The following CLSTN2 variants were observed in gnomAD, a reference collection of about 807,000 sequenced individuals.
CLSTN2 encodes calsyntenin 2.
A neutral mutation model predicts 101.2 loss-of-function variants in CLSTN2; 48 were observed. That is an observed-to-expected ratio of 0.47 (90% CI 0.38 to 0.60). CLSTN2 has a LOEUF of 0.60. Ranked by LOEUF, CLSTN2 falls within the 20% of genes least tolerant of loss-of-function variation. The pLI is 0.00. For synonymous variants in CLSTN2, 481 were observed against 463.6 expected (o/e 1.04, Z -0.48); for missense variants, 1,160 against 1,238.2 (o/e 0.94, Z 0.95).
intron 2 of CLSTN2, among the ~76,000 whole-genome samples, chr3:140,360,303 G>A (rs1297659675): frequency 3.3e-5 from 5 of 152,148 alleles, no homozygotes; most frequent in Non-Finnish European, 7.3e-5. Flanking sequence ...ACCCTGGCAG[G>A]CAGGCTTAGG....
intron 5 of CLSTN2, among the ~76,000 whole-genome samples, chr3:140,440,874 G>A (rs748850845): frequency 6.6e-6 from 1 of 152,178 alleles, no homozygotes; most frequent in African/African-American, 2.4e-5. Flanking sequence ...TGCATAATTT[G>A]TGGGTCCCAG....
intron 8 of CLSTN2, among the ~76,000 whole-genome samples, chr3:140,471,471 C>A (rs1428009381): frequency 6.6e-6 from 1 of 152,180 alleles, no homozygotes; most frequent in African/African-American, 2.4e-5. Flanking sequence ...AAAATTGCAA[C>A]AAGCACAGGA....
chr3:140,388,316 G>T (rs1380162351), intron 2 of CLSTN2, among the ~76,000 whole-genome samples: 3 of 152,200 alleles, frequency 2.0e-5, no homozygotes, highest in Non-Finnish European at 2.9e-5. Flanking sequence ...TTTGAATATG[G>T]CTATTGATGG....
Position 140,562,307 on chromosome 3 carries a change from C to T in CLSTN2, c.2211C>T (p.Tyr737=), listed in dbSNP as rs148317543. Residue 737 remains tyrosine (Y), a splice_region_variant and synonymous_variant, in exon 13 of 17, where the codon TAC becomes TAT. Coordinates refer to ENST00000458420, the MANE Select transcript of CLSTN2 (RefSeq NM_022131.3). ...ATNSTAGYSI[Y]GVGSMSRYEQ... is the part of the protein sequence containing the mutation. ...ATTCTACTGCAGGCTACTCCATCTA[C>T]GGTAAGGCCACACTCAGCCCCCTTT... 7.7e-5 allele frequency: 124 copies of T among 1,611,634 alleles called. No homozygotes were observed. Among genetic ancestry groups the T allele is most frequent in the African/African-American group, 1.1e-4 (8 of 74,982 alleles).
chr3:140,147,122 G>T (rs1474808233), intron 1 of CLSTN2, among the ~76,000 whole-genome samples: 1 of 152,222 alleles, frequency 6.6e-6, no homozygotes, highest in Non-Finnish European at 1.5e-5. Context: ...CAGTCCAATA[G>T]ATAGTAACAA....
chr3:140,333,986 A>G (rs1218854408), intron 2 of CLSTN2, among the ~76,000 whole-genome samples: 1 of 152,190 alleles, frequency 6.6e-6, no homozygotes, highest in Non-Finnish European at 1.5e-5. Flanking sequence ...ACTTTGATCA[A>G]GGAGAGGCAG....
chr3:140,242,764 G>A (rs1264424313), intron 2 of CLSTN2, among the ~76,000 whole-genome samples: 2 of 152,146 alleles, frequency 1.3e-5, no homozygotes, highest in Admixed American at 6.5e-5. Context: ...GGGGCCTGAC[G>A]GAGTCCTTGC....
At chr3:140,004,489 G>A (rs2006914598) in intron 1 of CLSTN2, among the ~76,000 whole-genome samples, 1 of 152,188 alleles carries the variant, frequency 6.6e-6, no homozygotes, top group Non-Finnish European at 1.5e-5. Context: ...CCATTCACAG[G>A]AGCAGCAGGG....
intron 1 of CLSTN2, among the ~76,000 whole-genome samples, chr3:140,008,171 GGT>G (rs2006996595): frequency 6.6e-6 from 1 of 152,182 alleles, no homozygotes; most frequent in Admixed American, 6.5e-5. Flanking sequence ...GGTTCTGGGA[GGT>G]GATGACATCT....
chr3:140,032,483 C>A (rs1054594335), intron 1 of CLSTN2, among the ~76,000 whole-genome samples: 19 of 152,088 alleles, frequency 1.2e-4, no homozygotes, highest in African/African-American at 4.1e-4. Context: ...ATTACAGGTG[C>A]CAGCCACCAC....
At position 140,543,782 on chromosome 3, in the gene CLSTN2, T is replaced by C. The variant is rs141095589; in HGVS notation, c.1508-2733T>C. On this transcript the variant is annotated intron_variant, in intron 9 of 16. Transcript: ENST00000458420. The stretch of plus-strand genomic sequence containing the variant: ...CAGAAGAGAAAAAATGGAAGCTTTT[T>C]ATACAGAGGTTGACAATCAACTTAT... Among the ~76,000 whole-genome samples, 844 of 152,346 alleles carry C rather than the reference T, an allele frequency of 5.5e-3. 13 individuals carry two copies. The highest frequency in any genetic ancestry group is 0.018 in the African/African-American group (755 of 41,574).
chr3:139,985,602 G>C (rs1177695812), intron 1 of CLSTN2, among the ~76,000 whole-genome samples: 1 of 152,176 alleles, frequency 6.6e-6, no homozygotes. Flanking sequence ...TTTTCCTAAA[G>C]ATAGAATCCA....
intron 2 of CLSTN2, among the ~76,000 whole-genome samples, chr3:140,253,996 C>T (rs1364363533): frequency 1.3e-5 from 2 of 152,034 alleles, no homozygotes; most frequent in African/African-American, 4.8e-5. Context: ...TGTTTTGCCT[C>T]CTTTGGAATT....
At chr3:140,389,689 G>A (rs1163169058) in intron 2 of CLSTN2, among the ~76,000 whole-genome samples, 3 of 152,146 alleles carry the variant, frequency 2.0e-5, no homozygotes, top group Admixed American at 6.5e-5. Flanking sequence ...TCTGGTTCTA[G>A]GTCTTTGAGG....
intron 2 of CLSTN2, among the ~76,000 whole-genome samples, chr3:140,194,357 C>A (rs573643654): frequency 2.1e-4 from 32 of 152,134 alleles, no homozygotes; most frequent in African/African-American, 7.7e-4. Flanking sequence ...CATAAGGGCT[C>A]TTACCTCATG....
chr3:140,407,572 G>C (rs1413052974), intron 4 of CLSTN2, among the ~76,000 whole-genome samples: 2 of 152,230 alleles, frequency 1.3e-5, no homozygotes. Flanking sequence ...ATCTGGCATA[G>C]AGAGAGCACT....
chr3:140,385,879 G>C (rs373267353), intron 2 of CLSTN2, among the ~76,000 whole-genome samples: 1 of 152,172 alleles, frequency 6.6e-6, no homozygotes, highest in Non-Finnish European at 1.5e-5. Flanking sequence ...TTGAAATGAG[G>C]CTGGCTAAAG....
intron 1 of CLSTN2, among the ~76,000 whole-genome samples, chr3:140,072,105 G>A (rs1560086335): frequency 6.6e-6 from 1 of 151,938 alleles, no homozygotes; most frequent in East Asian, 1.9e-4. Flanking sequence ...GTTTGACCCA[G>A]CATTGCCGTA....
At chr3:140,189,812 CT>C in intron 2 of CLSTN2, among the ~76,000 whole-genome samples, 1 of 152,222 alleles carries the variant, frequency 6.6e-6, no homozygotes, top group Middle Eastern at 3.4e-3. Context: ...AAAAGTTTAT[CT>C]TTCCTCCATT....
Sources: gnomAD v4.1 joint callset for allele counts (sites outside exome capture counted in the v4.1 genomes callset) on GRCh38, gnomAD v4.1.1 for gene constraint, MANE v1.5 for transcripts, NCBI Gene and HGNC (gene_info 2026-07-23, HGNC 2026-07-21) for gene names.